MED13L: variants seen among roughly 807,000 people sequenced by gnomAD.
The protein encoded by MED13L is mediator complex subunit 13L.
Under a neutral mutation model 220.9 loss-of-function variants are expected in MED13L, and 7 were observed. The ratio of observed to expected loss-of-function variants is 0.03; its 90% CI spans 0.02 to 0.06. MED13L has a LOEUF of 0.06. MED13L is among the 10% of genes least tolerant of loss of function. MED13L has a pLI of 1.00. For missense variants in MED13L, 1,965 were observed against 2,760.5 expected, an observed-to-expected ratio of 0.71 and a Z score of 6.46; for synonymous variants, 1,011 against 1,015.2, an observed-to-expected ratio of 1.00 and a Z score of 0.08.
At chr12:115,981,555 G>T (rs1372341319) in intron 22 of MED13L, among the ~76,000 whole-genome samples, 1 of 152,142 alleles carries the variant, frequency 6.6e-6, no homozygotes, top group African/African-American at 2.4e-5. Context: ...ACTGATGAAA[G>T]GAAATAAGTG....
At chr12:116,137,343 AC>A (rs560979152) in intron 2 of MED13L, among the ~76,000 whole-genome samples, 97 of 152,242 alleles carry the variant, frequency 6.4e-4, no homozygotes, top group African/African-American at 2.3e-3. Flanking sequence ...CCTCCATAAT[AC>A]TCTTATGAGG....
At chr12:116,070,415 C>G (rs1274275667) in intron 4 of MED13L, among the ~76,000 whole-genome samples, 1 of 152,196 alleles carries the variant, frequency 6.6e-6, no homozygotes, top group Non-Finnish European at 1.5e-5. Context: ...CTCCTAAGCA[C>G]TTTTTAATAT....
At chr12:116,156,841 T>G (rs1043794098) in intron 2 of MED13L, among the ~76,000 whole-genome samples, 1 of 152,178 alleles carries the variant, frequency 6.6e-6, no homozygotes, top group Non-Finnish European at 1.5e-5. Context: ...CCTTTGCCTT[T>G]TTCTGTGATG....
intron 7 of MED13L, 66 bp from the exon 8 acceptor site, chr12:116,015,340 A>T: frequency 6.6e-7 from 1 of 1,515,384 alleles, no homozygotes; most frequent in Non-Finnish European, 9.2e-7. Flanking sequence ...ATAGACTGCT[A>T]TCTTATTAAC....
intron 2 of MED13L, among the ~76,000 whole-genome samples, chr12:116,180,153 A>C (rs1034744319): frequency 6.6e-6 from 1 of 152,224 alleles, no homozygotes; most frequent in African/African-American, 2.4e-5. Flanking sequence ...GCTGGCATCC[A>C]ATGGCAGGGG....
chr12:116,198,726 G>A (rs1349554512), intron 2 of MED13L, among the ~76,000 whole-genome samples: 1 of 102,464 alleles, frequency 9.8e-6, no homozygotes, highest in Non-Finnish European at 1.9e-5. Flanking sequence ...CATAAAGAAA[G>A]GGATCCAAGA....
chr12:116,227,153 G>C (rs1869087386), intron 2 of MED13L, among the ~76,000 whole-genome samples: 1 of 152,108 alleles, frequency 6.6e-6, no homozygotes, highest in Admixed American at 6.5e-5. Context: ...AGCAGATCCA[G>C]AGACCATAAA....
chr12:116,186,093 T>C (rs896069433), intron 2 of MED13L, among the ~76,000 whole-genome samples: 6 of 152,338 alleles, frequency 3.9e-5, no homozygotes, highest in Middle Eastern at 3.4e-3. Flanking sequence ...ATATACTTCT[T>C]TCAAACCTCA....
chr12:116,242,202 AC>A (rs1870726368), intron 1 of MED13L, among the ~76,000 whole-genome samples: 1 of 151,584 alleles, frequency 6.6e-6, no homozygotes, highest in Admixed American at 6.6e-5. Flanking sequence ...CCGCCACCAC[AC>A]CCAGCTAATT....
At position 116,171,994 on chromosome 12, in the gene MED13L, G is replaced by C. The variant is rs370919793; in HGVS notation, c.311-60482C>G. On this transcript the variant is annotated intron_variant, in intron 2 of 30. Transcript: ENST00000281928. ...TCAACTTCATGAAGATTTTATAAAT[G>C]ACTTCTTTCTCATTATCTAAGACTT... is the stretch of plus-strand genomic sequence containing the variant. Among the ~76,000 whole-genome samples, 26 of 152,218 alleles carry C rather than the reference G, an allele frequency of 1.7e-4. No individual in the cohort carries two copies. In the East Asian group the frequency reaches 1.9e-3, roughly 11 times the overall value.
chr12:115,968,317 C>T (rs1876342950), intron 28 of MED13L, among the ~76,000 whole-genome samples: 1 of 152,194 alleles, frequency 6.6e-6, no homozygotes, highest in Admixed American at 6.5e-5. Context: ...CATCCACCTC[C>T]AATATCCCTG....
At chr12:116,039,292 C>T (rs1034069209) in intron 4 of MED13L, among the ~76,000 whole-genome samples, 15 of 152,188 alleles carry the variant, frequency 9.9e-5, no homozygotes, top group African/African-American at 3.4e-4. Flanking sequence ...GAGACCAGGG[C>T]CTTTCATACT....
intron 2 of MED13L, among the ~76,000 whole-genome samples, chr12:116,208,114 G>C (rs971586999): frequency 3.3e-5 from 5 of 152,216 alleles, no homozygotes; most frequent in African/African-American, 1.2e-4. Context: ...AGGATAACAG[G>C]CTGGACGCAG....
At chr12:116,231,954 T>C (rs1265661103) in intron 2 of MED13L, 14 of 290,374 alleles carry the variant, frequency 4.8e-5, no homozygotes, top group East Asian at 1.7e-4. Context: ...AATCTATAGA[T>C]ACAGATTACA....
chr12:116,165,972 G>A (rs777590568), intron 2 of MED13L, among the ~76,000 whole-genome samples: 6 of 152,136 alleles, frequency 3.9e-5, no homozygotes, highest in Non-Finnish European at 8.8e-5. Flanking sequence ...ACCAAGGGCT[G>A]CTGTCCTTTC....
chr12:115,998,194 T>C (rs923025128), intron 14 of MED13L, among the ~76,000 whole-genome samples: 4 of 152,246 alleles, frequency 2.6e-5, no homozygotes, highest in Non-Finnish European at 4.4e-5. Flanking sequence ...ATTAAGGCAC[T>C]GATTCTTAAA....
intron 2 of MED13L, among the ~76,000 whole-genome samples, chr12:116,135,159 A>AC (rs1489613835): frequency 9.2e-5 from 14 of 152,146 alleles, no homozygotes; most frequent in Admixed American, 5.9e-4. Context: ...ACAGAGCGAG[A>AC]CCCCGTCTCA....
chr12:116,181,557 G>A (rs1378145709), intron 2 of MED13L, among the ~76,000 whole-genome samples: 1 of 152,246 alleles, frequency 6.6e-6, no homozygotes, highest in East Asian at 1.9e-4. Context: ...GCCCAGGATG[G>A]AGTGCAATGG....
chr12:116,233,979 T>C (rs1346687459), intron 2 of MED13L, among the ~76,000 whole-genome samples: 1 of 152,208 alleles, frequency 6.6e-6, no homozygotes, highest in Non-Finnish European at 1.5e-5. Flanking sequence ...GTGTACCCTG[T>C]AGGATTATTC....
Sources: allele counts gnomAD v4.1 joint callset (sites outside exome capture counted in the v4.1 genomes callset), GRCh38; gene constraint gnomAD v4.1.1; transcripts MANE v1.5; gene names NCBI Gene and HGNC (gene_info 2026-07-23, HGNC 2026-07-21).